Variants in NMRAL1 observed in about 807,000 individuals in gnomAD.
The protein encoded by NMRAL1 is NmrA like redox sensor 1, also known as nmrA-like family domain-containing protein 1.
Under a neutral mutation model 27.5 loss-of-function variants are expected in NMRAL1, and 32 were observed. The observed-to-expected ratio is 1.16, with a 90% CI of 0.88 to 1.56. The LOEUF (loss-of-function observed/expected upper bound fraction) is 1.56, where lower values mean the gene tolerates loss of function less well. NMRAL1 is among the 40% of genes most tolerant of loss of function. NMRAL1 has a pLI of 0.00. For synonymous variants in NMRAL1, 166 were observed against 166.8 expected, an observed-to-expected ratio of 1.00 and a Z score of 0.04; for missense variants, 420 against 392.0, an observed-to-expected ratio of 1.07 and a Z score of -0.60.
chr16:4,462,299 T>C (rs1567343058), intron 5 of NMRAL1, among the ~76,000 whole-genome samples: 1 of 151,994 alleles, frequency 6.6e-6, no homozygotes, highest in Non-Finnish European at 1.5e-5. Context: ...GCCAACACGA[T>C]AAAACCCCGT....
intron 2 of NMRAL1, chr16:4,471,286 C>T (rs1362491166): frequency 6.6e-6 from 1 of 152,120 alleles, no homozygotes; most frequent in African/African-American, 2.4e-5. Context: ...GCTTGAGTCA[C>T]ACAGGCATGC....
intron 3 of NMRAL1, among the ~76,000 whole-genome samples, chr16:4,468,220 T>C (rs1326894579): frequency 1.3e-5 from 2 of 152,100 alleles, no homozygotes; most frequent in African/African-American, 2.4e-5. Flanking sequence ...GAGAATAACT[T>C]GAACCCAGGA....
At chr16:4,462,862 C>CT (rs869127734) in intron 5 of NMRAL1, among the ~76,000 whole-genome samples, 115 of 143,608 alleles carry the variant, frequency 8.0e-4, no homozygotes, top group Admixed American at 1.5e-3. Flanking sequence ...TTCCCAGATT[C>CT]TTTTTTTTTT....
intron 5 of NMRAL1, among the ~76,000 whole-genome samples, chr16:4,463,175 A>G (rs2057175261): frequency 6.6e-6 from 1 of 152,150 alleles, no homozygotes; most frequent in Non-Finnish European, 1.5e-5. Flanking sequence ...TTTAATGAGT[A>G]TGTCTTACTT....
chr16:4,468,408 G>C (rs185101395), intron 3 of NMRAL1, among the ~76,000 whole-genome samples: 2 of 152,140 alleles, frequency 1.3e-5, no homozygotes, highest in African/African-American at 2.4e-5. Flanking sequence ...CTGAGGTCAG[G>C]AGTTCAAGAC....
chr16:4,466,536 G>A (rs1369691252), intron 3 of NMRAL1, 134 bp from the exon 4 acceptor site: 1 of 781,450 alleles, frequency 1.3e-6, no homozygotes, highest in African/African-American at 1.7e-5. Flanking sequence ...CCCTTGAGGA[G>A]GCCCCCTCTC....
At chr16:4,466,761 G>C (rs1175766403) in intron 3 of NMRAL1, 2 of 286,944 alleles carry the variant, frequency 7.0e-6, no homozygotes, top group Non-Finnish European at 1.4e-5. Context: ...ATCTTCCTTG[G>C]AGAGCCCTGG....
intron 3 of NMRAL1, among the ~76,000 whole-genome samples, chr16:4,468,508 C>T (rs1050542894): frequency 2.0e-5 from 3 of 151,026 alleles, no homozygotes; most frequent in Admixed American, 6.6e-5. Flanking sequence ...CCCAGCTACT[C>T]GGGAGGCTGA....
chr16:4,467,133 G>A (rs545419014), intron 3 of NMRAL1: 10 of 152,424 alleles, frequency 6.6e-5, no homozygotes, highest in South Asian at 4.1e-4. Context: ...AAGGCCATGC[G>A]AAGAGGGAAG....
chr16:4,461,790 T>G lies in NMRAL1; in HGVS notation c.890A>C (p.Asn297Thr), dbSNP rs763676996. The G allele has an allele frequency of 2.2e-5, 36 of 1,611,978 alleles. No individual in the cohort carries two copies. The African/African-American group carries it at 4.8e-4, about 22-fold the overall frequency. The change falls in exon 6 of 6, where the codon AAC becomes ACC. Residue 297 changes from asparagine to threonine, a missense_variant. Physicochemically the swap from Asn to Thr is moderately conservative, Grantham distance 65 (BLOSUM62 0). Coordinates refer to ENST00000283429, the MANE Select transcript of NMRAL1 (RefSeq NM_020677.6). ...CGCGAGGCGGGCAGGTCACAGCAGG[T>G]TGAAGTCCCCTTTGTGCTGTTCCAG... ...QWLEQHKGDF[N>T]LL
rs1423575585 is a variant in NMRAL1 at position 4,469,464 on chromosome 16, AC to A, written c.41del (p.Gly14ValfsTer22). ...TGCGGGCCACGGAGCCACCCTGGGC[AC>A]CTACAAAGAATCAAAAAGACCTCTC... ...KKLVVVFGGTGAQGGSVARTL... is the reference protein window; with the variant it reads ...KKLVVVFGGTXAQGGSVARTL... On this transcript the variant is annotated frameshift_variant and splice_region_variant, in exon 3 of 6. Transcript: ENST00000283429. LOFTEE classifies it high-confidence loss of function. 6.2e-7 allele frequency: 1 copy of A among 1,613,182 alleles called. No individual in the cohort carries two copies. Among genetic ancestry groups the A allele is most frequent in the East Asian group, 2.2e-5 (1 of 44,860 alleles).
chr16:4,471,841 G>C (rs1805403625), intron 2 of NMRAL1, among the ~76,000 whole-genome samples: 1 of 151,976 alleles, frequency 6.6e-6, no homozygotes, highest in Admixed American at 6.6e-5. Context: ...GGGAGGGTAA[G>C]GGGGATGGGT....
intron 3 of NMRAL1, among the ~76,000 whole-genome samples, chr16:4,468,973 T>TAAAAAAA (rs34547583): frequency 6.9e-6 from 1 of 144,626 alleles, no homozygotes. Context: ...CATTTTTGAT[T>TAAAAAAA]AAAAAAAAAA....
intron 2 of NMRAL1, 109 bp downstream of exon 2, chr16:4,473,984 G>T: frequency 1.3e-6 from 1 of 777,588 alleles, no homozygotes; most frequent in Non-Finnish European, 2.1e-6. Context: ...GCCCCAACCT[G>T]GGTCGGGGGT....
intron 2 of NMRAL1, among the ~76,000 whole-genome samples, chr16:4,473,763 T>C (rs919764734): frequency 6.6e-6 from 1 of 151,898 alleles, no homozygotes; most frequent in African/African-American, 2.4e-5. Flanking sequence ...CCGTCTCTAC[T>C]AAAAATACAA....
chr16:4,467,648 C>G (rs2057379518), intron 3 of NMRAL1, among the ~76,000 whole-genome samples: 1 of 151,870 alleles, frequency 6.6e-6, no homozygotes, highest in Non-Finnish European at 1.5e-5. Context: ...GAGACAGAGT[C>G]TAGCTCTGTC....
rs758027140 is a variant in NMRAL1, at chr16:4,469,443, G to A, written c.63C>T (p.Ala21=). Residue 21 remains alanine (A), a synonymous_variant, in exon 3 of 6, where the codon GCC becomes GCT. Coordinates refer to ENST00000283429, the MANE Select transcript of NMRAL1 (RefSeq NM_020677.6). ...GGTGAQGGSV[A]RTLLEDGTFK... ...ATGTCCCATCTTCCAGGAGTGTGCG[G>A]GCCACGGAGCCACCCTGGGCACCTA... 1 of 1,613,844 alleles carries A rather than the reference G, an allele frequency of 6.2e-7. No individual in the cohort carries two copies.
At chr16:4,471,788 T>A (rs1053494552) in intron 2 of NMRAL1, among the ~76,000 whole-genome samples, 3 of 151,956 alleles carry the variant, frequency 2.0e-5, no homozygotes, top group Non-Finnish European at 2.9e-5. Context: ...AAATAAGGAC[T>A]GAGGCCGGGC....
In NMRAL1 at chr16:4,461,921, A is replaced by G. The variant is rs1325162513; in HGVS notation, c.759T>C (p.Gly253=). ...PEDYEKLGFP[G]ARDLANMFRF... ...GGAACATGTTGGCCAGGTCCCGGGC[A>G]CCGGGAAAGCCAAGCTTTTCGTAGT... The change falls in exon 6 of 6, where the codon GGT becomes GGC. Residue 253 remains glycine, a synonymous_variant. Transcript: ENST00000283429. 6.2e-7 allele frequency: 1 copy of G among 1,613,954 alleles called. No homozygotes were observed. The highest frequency in any genetic ancestry group is 8.5e-7 in the Non-Finnish European group (1 of 1,179,962).
Sources: allele counts gnomAD v4.1 joint callset (sites outside exome capture counted in the v4.1 genomes callset), GRCh38; gene constraint gnomAD v4.1.1; transcripts MANE v1.5; gene names NCBI Gene and HGNC (gene_info 2026-07-23, HGNC 2026-07-21).